Variants in LINGO2 observed in about 807,000 individuals in gnomAD.
LINGO2 encodes the protein leucine-rich repeat and immunoglobulin-like domain-containing nogo receptor-interacting protein 2.
LINGO2 carries 14 observed loss-of-function variants against 30.6 expected under a neutral mutation model. The ratio of observed to expected loss-of-function variants is 0.46; its 90% confidence interval spans 0.30 to 0.72. The LOEUF (loss-of-function observed/expected upper bound fraction) is 0.72. Ranked by LOEUF, LINGO2 falls within the 30% of genes least tolerant of loss-of-function variation. The pLI is 0.07. For synonymous variants in LINGO2, 317 were observed against 288.5 expected (o/e 1.10, Z -1.00); for missense variants, 729 against 751.7 (o/e 0.97, Z 0.35).
chr9:28,055,038 A>AT (rs1281762039), intron 4 of LINGO2, among the ~76,000 whole-genome samples: 15 of 151,936 alleles, frequency 9.9e-5, no homozygotes, highest in African/African-American at 3.1e-4. Context: ...CTTGCAAAAA[A>AT]AATATATATA....
the LINGO2 span, among the ~76,000 whole-genome samples, chr9:28,790,381 T>C: frequency 7.0e-6 from 1 of 142,076 alleles, no homozygotes; most frequent in South Asian, 2.4e-4. Flanking sequence ...CAGGCTGGAG[T>C]GCAGTCGTGC....
the LINGO2 span, among the ~76,000 whole-genome samples, chr9:28,739,930 A>G: frequency 1.4e-5 from 2 of 139,074 alleles, no homozygotes; most frequent in African/African-American, 5.6e-5. Context: ...ATACATATAT[A>G]TATGTGTGTA....
chr9:28,660,416 A>C (rs1828543202), intron 1 of LINGO2, among the ~76,000 whole-genome samples: 1 of 152,134 alleles, frequency 6.6e-6, no homozygotes, highest in Non-Finnish European at 1.5e-5. Flanking sequence ...CATTTGTAAT[A>C]AATGTAAATA....
intron 2 of LINGO2, among the ~76,000 whole-genome samples, chr9:28,389,536 C>T (rs1361454088): frequency 6.6e-6 from 1 of 152,114 alleles, no homozygotes; most frequent in Admixed American, 6.6e-5. Flanking sequence ...AGGCATCATT[C>T]CCACCTACCC....
intron 2 of LINGO2, among the ~76,000 whole-genome samples, chr9:28,458,723 AC>A (rs1325469105): frequency 1.3e-5 from 2 of 152,080 alleles, no homozygotes; most frequent in African/African-American, 4.8e-5. Flanking sequence ...CTTTTGACAG[AC>A]AAATTCTCAT....
At chr9:28,312,761 T>A (rs1824681747) in intron 3 of LINGO2, among the ~76,000 whole-genome samples, 2 of 152,206 alleles carry the variant, frequency 1.3e-5, no homozygotes, top group Non-Finnish European at 2.9e-5. Flanking sequence ...AGTAGTGGCT[T>A]ATTGTCATTG....
the LINGO2 span, among the ~76,000 whole-genome samples, chr9:28,790,870 G>A: frequency 1.3e-5 from 2 of 152,098 alleles, no homozygotes; most frequent in Non-Finnish European, 2.9e-5. Flanking sequence ...ATTATCTGCA[G>A]TTTCAGGTAC....
chr9:28,881,765 C>A, the LINGO2 span, among the ~76,000 whole-genome samples: 2 of 152,116 alleles, frequency 1.3e-5, no homozygotes, highest in Non-Finnish European at 2.9e-5. Flanking sequence ...AGCCCAGCAT[C>A]CACTAGCTAT....
intron 4 of LINGO2, among the ~76,000 whole-genome samples, chr9:28,126,113 TC>T (rs1827228727): frequency 6.6e-6 from 1 of 152,172 alleles, no homozygotes; most frequent in South Asian, 2.1e-4. Flanking sequence ...TCTAAAGTAG[TC>T]TGTGATATTA....
Position 28,147,698 on chromosome 9 carries a change from G to T in LINGO2, c.-86-135293C>A, listed in dbSNP as rs77749958. Among the ~76,000 whole-genome samples the T allele has an allele frequency of 6.6e-6, 1 of 152,144 alleles. No individual in the cohort carries two copies. The highest frequency in any genetic ancestry group is 2.1e-4 in the South Asian group (1 of 4,832). On this transcript the variant is annotated intron_variant, in intron 4 of 5. Coordinates refer to ENST00000379992, the Ensembl canonical transcript of LINGO2. The surrounding 1 kb of genome is among the most constrained non-coding windows in gnomAD (Gnocchi z 4.7). ...CCCCGCACCCCCAACAGCCCCACGG[G>T]GGGGCCCGTCCAGGGCCACACAACT... is the stretch of plus-strand genomic sequence containing the variant.
At chr9:28,209,418 A>G (rs2068928) in intron 4 of LINGO2, among the ~76,000 whole-genome samples, 24,555 of 151,734 alleles carry the variant, frequency 0.16, 2,127 homozygotes, top group African/African-American at 0.21. Flanking sequence ...ATTTCTTTTC[A>G]TACTGCAGGT....
rs189505363 is a variant in LINGO2 at position 28,244,343 on chromosome 9, G to C, written c.-87+50865C>G. On this transcript the variant is annotated intron_variant, in intron 4 of 5. Coordinates refer to ENST00000379992, the Ensembl canonical transcript of LINGO2. ...CTAAAGCAGTTTTAAGAGGGAAATT[G>C]ATAGCACTAAATGCCCACATCAGAA... Among the ~76,000 whole-genome samples, 4 of 152,220 alleles carry C rather than the reference G, an allele frequency of 2.6e-5. No individual in the cohort carries two copies. The East Asian group carries it at 7.8e-4, about 29-fold the overall frequency.
the LINGO2 span, among the ~76,000 whole-genome samples, chr9:29,161,925 T>G: frequency 1.3e-5 from 2 of 148,972 alleles, no homozygotes; most frequent in African/African-American, 4.9e-5. Context: ...TCAGATGTGT[T>G]TTTTTTTTTT....
the LINGO2 span, among the ~76,000 whole-genome samples, chr9:28,758,073 G>C: frequency 1.4e-4 from 21 of 152,012 alleles, no homozygotes; most frequent in African/African-American, 4.8e-4. Context: ...TTAGAAGCAT[G>C]TATCTCCTGA....
the LINGO2 span, among the ~76,000 whole-genome samples, chr9:29,007,591 A>T: frequency 1.3e-5 from 2 of 152,070 alleles, no homozygotes; most frequent in Non-Finnish European, 2.9e-5. Flanking sequence ...CTAGGACAGA[A>T]AGACAGGTCA....
intron 3 of LINGO2, among the ~76,000 whole-genome samples, chr9:28,311,639 T>C (rs1258946455): frequency 6.6e-6 from 1 of 152,216 alleles, no homozygotes; most frequent in Admixed American, 6.5e-5. Flanking sequence ...TCTGGCTCAC[T>C]GGCAGTCAGA....
rs752726326 is a variant in LINGO2, at chr9:28,600,782, G to A, written c.-365+69418C>T. Among the ~76,000 whole-genome samples the A allele has an allele frequency of 4.6e-5, 7 of 152,036 alleles. 1 individual carries two copies. Among genetic ancestry groups the A allele is most frequent in the Non-Finnish European group, 1.0e-4 (7 of 68,002 alleles). ...CCTTTTGAACTGCATAGAGGCACGAGAATAGCCTGTTCACTTAACTAATTT... is the reference window on the plus strand; with the variant it reads ...CCTTTTGAACTGCATAGAGGCACGAAAATAGCCTGTTCACTTAACTAATTT... On this transcript the variant is annotated intron_variant, in intron 1 of 5. Coordinates refer to ENST00000379992, the Ensembl canonical transcript of LINGO2.
intron 4 of LINGO2, among the ~76,000 whole-genome samples, chr9:28,233,030 T>TTATATATA (rs1554690875): frequency 0.025 from 1,908 of 77,570 alleles, 41 homozygotes; most frequent in African/African-American, 0.03. Context: ...ACAGTAAACA[T>TTATATATA]TATATATATA....
At chr9:28,567,822 T>C (rs925851544) in intron 1 of LINGO2, among the ~76,000 whole-genome samples, 1 of 151,758 alleles carries the variant, frequency 6.6e-6, no homozygotes, top group African/African-American at 2.4e-5. Context: ...AATAAATAAA[T>C]AAATTTATAA....
Sources: allele counts gnomAD v4.1 joint callset (sites outside exome capture counted in the v4.1 genomes callset), GRCh38; gene constraint gnomAD v4.1.1; non-coding constraint Gnocchi (gnomAD v3.1); transcripts MANE v1.5; gene names NCBI Gene and HGNC (gene_info 2026-07-23, HGNC 2026-07-21).